The following FOCAD variants were observed in gnomAD, a reference collection of about 807,000 sequenced individuals.
FOCAD encodes the protein focadhesin, also known as KIAA1797.
In FOCAD, 198 loss-of-function variants were observed where a neutral mutation model predicts 225.6. The observed-to-expected ratio is 0.88, with a 90% CI of 0.78 to 0.99. FOCAD has a LOEUF of 0.99. Ranked by LOEUF, FOCAD falls within the 50% of genes least tolerant of loss-of-function variation. The pLI is 0.00. For missense variants in FOCAD, 2,713 were observed against 2,123.6 expected (o/e 1.28, Z -5.46); for synonymous variants, 897 against 755.0 (o/e 1.19, Z -3.08).
chr9:20,734,183 T>A (rs1054959850), intron 4 of FOCAD, among the ~76,000 whole-genome samples: 3 of 152,242 alleles, frequency 2.0e-5, no homozygotes, highest in African/African-American at 7.2e-5. Flanking sequence ...TCACTTTTGT[T>A]ATTGAGCCCT....
chr9:20,781,566 T>C (rs1266123200), intron 9 of FOCAD, among the ~76,000 whole-genome samples, 161 bp from the exon 10 acceptor site: 1 of 152,254 alleles, frequency 6.6e-6, no homozygotes, highest in Non-Finnish European at 1.5e-5. Flanking sequence ...TTTATACTCC[T>C]TTTATTTCCT....
chr9:20,800,894 G>C (rs1288312586), intron 11 of FOCAD, among the ~76,000 whole-genome samples: 1 of 152,150 alleles, frequency 6.6e-6, no homozygotes, highest in East Asian at 1.9e-4. Flanking sequence ...CTGGTGAGGA[G>C]CTGCATTCCT....
chr9:20,710,749 G>C (rs892486020), intron 1 of FOCAD, among the ~76,000 whole-genome samples: 3 of 151,880 alleles, frequency 2.0e-5, no homozygotes, highest in Non-Finnish European at 2.9e-5. Flanking sequence ...TTTGATAAAG[G>C]ATATTTTCTT....
intron 7 of FOCAD, among the ~76,000 whole-genome samples, chr9:20,769,665 G>A (rs555902109): frequency 6.6e-6 from 1 of 152,260 alleles, no homozygotes; most frequent in Admixed American, 6.5e-5. Context: ...ATCTATGTTG[G>A]AATTGTAGAA....
At chr9:20,693,714 A>G (rs1438560761) in intron 1 of FOCAD, among the ~76,000 whole-genome samples, 1 of 151,964 alleles carries the variant, frequency 6.6e-6, no homozygotes, top group African/African-American at 2.4e-5. Flanking sequence ...CTATTTATTT[A>G]TTTATTTATT....
chr9:20,808,360 T>C (rs1164135726), intron 11 of FOCAD, among the ~76,000 whole-genome samples: 1 of 152,154 alleles, frequency 6.6e-6, no homozygotes, highest in Non-Finnish European at 1.5e-5. Flanking sequence ...ACAAGAAGAA[T>C]AGGGGCAGGT....
chr9:20,673,850 G>T (rs1353552954), intron 2 of FOCAD, among the ~76,000 whole-genome samples: 5 of 152,182 alleles, frequency 3.3e-5, no homozygotes, highest in Admixed American at 6.5e-5. Context: ...TGGATTACAG[G>T]CGTGAGCCAC....
intron 15 of FOCAD, among the ~76,000 whole-genome samples, chr9:20,843,039 G>T (rs1300187847): frequency 6.6e-6 from 1 of 151,572 alleles, no homozygotes; most frequent in Non-Finnish European, 1.5e-5. Context: ...TCTTTTTGTT[G>T]TTTCTATTTA....
Position 20,895,569 on chromosome 9 carries a change from G to GTA in FOCAD, c.2625+10348_2625+10349dup, listed in dbSNP as rs1266161517. On this transcript the variant is annotated intron_variant, in intron 21 of 43. Transcript: ENST00000338382. ...TATATATGTCTGCGCATATATATGT[G>GTA]TATATATATAGATATATTTATTTAT... 2.6e-5 allele frequency among the ~76,000 whole-genome samples: 4 copies of GTA among 151,410 alleles called. No individual in the cohort carries two copies. In the South Asian group the frequency reaches 8.3e-4, roughly 32 times the overall value.
chr9:20,946,606 C>G (rs770723733), intron 29 of FOCAD, 95 bp from the exon 30 acceptor site: 43 of 1,371,264 alleles, frequency 3.1e-5, no homozygotes, highest in African/African-American at 1.8e-4. Context: ...AATTCTTACT[C>G]TGGGGGGGAG....
intron 4 of FOCAD, among the ~76,000 whole-genome samples, chr9:20,722,848 C>T (rs1181683563): frequency 6.6e-6 from 1 of 151,868 alleles, no homozygotes; most frequent in Non-Finnish European, 1.5e-5. Context: ...TTTTTTGCCC[C>T]CCACCCCACA....
chr9:20,695,550 A>G (rs890675959), intron 1 of FOCAD, among the ~76,000 whole-genome samples: 1 of 152,202 alleles, frequency 6.6e-6, no homozygotes. Context: ...TTATACACGT[A>G]CACAGTCTTC....
chr9:20,890,255 C>T (rs916479057), intron 21 of FOCAD, among the ~76,000 whole-genome samples: 3 of 151,418 alleles, frequency 2.0e-5, no homozygotes, highest in Admixed American at 6.6e-5. Flanking sequence ...TTGTCTCGTT[C>T]ACTTAGGGGA....
intron 28 of FOCAD, among the ~76,000 whole-genome samples, chr9:20,942,514 C>T: frequency 6.6e-6 from 1 of 152,194 alleles, no homozygotes; most frequent in Non-Finnish European, 1.5e-5. Context: ...TTGGTTGAAT[C>T]TTGCATGATA....
intron 20 of FOCAD, among the ~76,000 whole-genome samples, chr9:20,882,511 G>A: frequency 6.6e-6 from 1 of 152,174 alleles, no homozygotes; most frequent in East Asian, 1.9e-4. Context: ...AGGAAACAAA[G>A]ACGAGCTAGG....
intron 2 of FOCAD, among the ~76,000 whole-genome samples, chr9:20,665,936 C>T (rs551706141): frequency 6.6e-5 from 10 of 151,790 alleles, no homozygotes; most frequent in African/African-American, 1.7e-4. Context: ...GCTCTGTCAC[C>T]GAGGTTGGAG....
intron 11 of FOCAD, 33 bp from the exon 12 acceptor site, chr9:20,819,763 G>A (rs1036526235): frequency 2.6e-6 from 3 of 1,174,230 alleles, no homozygotes; most frequent in South Asian, 1.7e-5. Context: ...TTGTAACAAG[G>A]CATATTTAAT....
rs779560070 is a variant in FOCAD, at chr9:20,929,398, G to A, written c.3119G>A (p.Arg1040His). The A allele has an allele frequency of 9.3e-6, 15 of 1,613,924 alleles. No homozygotes were observed. Among genetic ancestry groups the A allele is most frequent in the Admixed American group, 3.3e-5 (2 of 59,976 alleles). The change falls in exon 27 of 44, where the codon CGT (arginine) becomes CAT (histidine). Residue 1040 changes from arginine (R) to histidine (H), a missense_variant. Transcript: ENST00000338382. ...GAAAACACAGCTAGTGCCATTGCCC[G>A]TTCTGCTGCCGCCACGGCTTTGTCT... ...SGENTASAIARSAAATALSLL... is the reference protein window; with the variant it reads ...SGENTASAIAHSAAATALSLL...
intron 15 of FOCAD, among the ~76,000 whole-genome samples, chr9:20,853,405 C>T (rs560073489): frequency 9.6e-4 from 146 of 151,796 alleles, no homozygotes; most frequent in Non-Finnish European, 1.6e-3. Flanking sequence ...AATTCTAAAC[C>T]TGTTCTATTC....
Sources: gnomAD v4.1 joint callset for allele counts (sites outside exome capture counted in the v4.1 genomes callset) on GRCh38, gnomAD v4.1.1 for gene constraint, MANE v1.5 for transcripts, NCBI Gene and HGNC (gene_info 2026-07-23, HGNC 2026-07-21) for gene names.